Variants in SORCS2 observed in about 807,000 individuals in gnomAD.
The protein encoded by SORCS2 is VPS10 domain-containing receptor SorCS2.
Under a neutral mutation model 141.6 loss-of-function variants are expected in SORCS2, and 100 were observed. That is an observed-to-expected ratio of 0.71 (90% CI 0.60 to 0.83). The LOEUF (loss-of-function observed/expected upper bound fraction) is 0.83, where lower values mean the gene tolerates loss of function less well. Ranked by LOEUF, SORCS2 falls within the 40% of genes least tolerant of loss-of-function variation. The probability of loss-of-function intolerance (pLI) is 0.00; values close to 1 mark genes in which losing one functional copy is unlikely to be tolerated. For synonymous variants in SORCS2, 789 were observed against 676.9 expected (o/e 1.17, Z -2.57); for missense variants, 1,646 against 1,560.2 (o/e 1.05, Z -0.93).
At chr4:7,451,136 G>A (rs1349706902) in intron 2 of SORCS2, among the ~76,000 whole-genome samples, 1 of 152,350 alleles carries the variant, frequency 6.6e-6, no homozygotes, top group East Asian at 1.9e-4. Flanking sequence ...GAGTGAGTGA[G>A]GGAGTGAAAG....
chr4:7,468,720 C>T (rs1195605339), intron 2 of SORCS2, among the ~76,000 whole-genome samples: 1 of 152,236 alleles, frequency 6.6e-6, no homozygotes, highest in African/African-American at 2.4e-5. Flanking sequence ...TCCTAACCAT[C>T]TCTTCCATCT....
At chr4:7,318,000 C>G (rs751882274) in intron 1 of SORCS2, among the ~76,000 whole-genome samples, 1 of 152,206 alleles carries the variant, frequency 6.6e-6, no homozygotes, top group Admixed American at 6.5e-5. Context: ...ACCACGAGCA[C>G]GTGTTCATAC....
chr4:7,299,762 T>A (rs1008152795), intron 1 of SORCS2, among the ~76,000 whole-genome samples: 1 of 152,214 alleles, frequency 6.6e-6, no homozygotes, highest in Non-Finnish European at 1.5e-5. Flanking sequence ...GCCCGCTGCC[T>A]GCGGGGCGTT....
intron 3 of SORCS2, among the ~76,000 whole-genome samples, chr4:7,538,331 A>C (rs1712294026): frequency 6.6e-6 from 1 of 152,092 alleles, no homozygotes; most frequent in South Asian, 2.1e-4. Context: ...TACTATTGTC[A>C]TGGCTGGACC....
intron 3 of SORCS2, among the ~76,000 whole-genome samples, chr4:7,623,949 C>T (rs566919623): frequency 2.0e-5 from 3 of 152,312 alleles, no homozygotes; most frequent in East Asian, 1.9e-4. Context: ...TCTACCCCAC[C>T]AACCCCTAAG....
At chr4:7,665,248 C>G (rs1722433611) in intron 7 of SORCS2, among the ~76,000 whole-genome samples, 1 of 152,116 alleles carries the variant, frequency 6.6e-6, no homozygotes, top group Non-Finnish European at 1.5e-5. Flanking sequence ...CCCAGCAGCC[C>G]ACTCTACACT....
intron 2 of SORCS2, among the ~76,000 whole-genome samples, chr4:7,498,810 C>T (rs1731787522): frequency 6.6e-6 from 1 of 152,248 alleles, no homozygotes; most frequent in Non-Finnish European, 1.5e-5. Context: ...CCTGGCCCTC[C>T]CTCTGCGGGT....
At chr4:7,399,405 A>T (rs1724427144) in intron 2 of SORCS2, among the ~76,000 whole-genome samples, 1 of 152,210 alleles carries the variant, frequency 6.6e-6, no homozygotes, top group African/African-American at 2.4e-5. Context: ...ATACACTTTT[A>T]ATGACAAGTA....
intron 26 of SORCS2, among the ~76,000 whole-genome samples, chr4:7,738,355 C>A (rs529761362): frequency 6.6e-6 from 1 of 152,356 alleles, no homozygotes; most frequent in African/African-American, 2.4e-5. Context: ...AGGAGGCAGG[C>A]TCTTCCCTAG....
intron 3 of SORCS2, among the ~76,000 whole-genome samples, chr4:7,578,194 A>G (rs1715895131): frequency 6.6e-6 from 1 of 152,218 alleles, no homozygotes; most frequent in Non-Finnish European, 1.5e-5. Context: ...CTCTTTGCGA[A>G]CGATCATTTC....
intron 1 of SORCS2, among the ~76,000 whole-genome samples, chr4:7,258,231 G>A (rs1445711032): frequency 6.6e-6 from 1 of 152,182 alleles, no homozygotes; most frequent in Non-Finnish European, 1.5e-5. Flanking sequence ...CATATGCCAT[G>A]GTGGTTTGCT....
intron 2 of SORCS2, among the ~76,000 whole-genome samples, chr4:7,455,650 G>C (rs1324716401): frequency 6.8e-6 from 1 of 147,716 alleles, no homozygotes; most frequent in African/African-American, 2.5e-5. Context: ...GTTGGGGTCA[G>C]GCTTCGTGTT....
intron 3 of SORCS2, among the ~76,000 whole-genome samples, chr4:7,622,167 C>T (rs1044222552): frequency 2.0e-5 from 3 of 152,104 alleles, no homozygotes; most frequent in Admixed American, 6.5e-5. Flanking sequence ...CTCCCCTCAC[C>T]CAGCCCCTAC....
intron 2 of SORCS2, among the ~76,000 whole-genome samples, chr4:7,456,397 T>A (rs2109310793): frequency 6.6e-6 from 1 of 152,332 alleles, no homozygotes; most frequent in South Asian, 2.1e-4. Context: ...TTGGTCTCTG[T>A]TTCACATTCA....
chr4:7,439,394 T>C (rs1255342451), intron 2 of SORCS2, among the ~76,000 whole-genome samples: 1 of 152,088 alleles, frequency 6.6e-6, no homozygotes, highest in Non-Finnish European at 1.5e-5. Flanking sequence ...GAAACACCAA[T>C]CCATAGCACT....
chr4:7,445,549 C>G (rs1727933396), intron 2 of SORCS2, among the ~76,000 whole-genome samples: 1 of 152,146 alleles, frequency 6.6e-6, no homozygotes, highest in South Asian at 2.1e-4. Context: ...CGAGGGGAAG[C>G]ACCAGGGCTG....
chr4:7,484,431 C>T (rs1730847944), intron 2 of SORCS2, among the ~76,000 whole-genome samples: 1 of 152,156 alleles, frequency 6.6e-6, no homozygotes, highest in Non-Finnish European at 1.5e-5. Flanking sequence ...CCGGAGCGGC[C>T]TGCTGGGGAT....
intron 1 of SORCS2, among the ~76,000 whole-genome samples, chr4:7,243,142 C>T (rs908147040): frequency 3.9e-5 from 6 of 152,200 alleles, no homozygotes; most frequent in African/African-American, 9.7e-5. Context: ...TCCCCATCCA[C>T]GCACAAGCTC....
chr4:7,333,527 G>A (rs1376328609), intron 1 of SORCS2, among the ~76,000 whole-genome samples: 1 of 152,172 alleles, frequency 6.6e-6, no homozygotes, highest in East Asian at 1.9e-4. Flanking sequence ...TTCTGGCCCA[G>A]CCTCTGAGTT....
Sources: gnomAD v4.1 joint callset for allele counts (sites outside exome capture counted in the v4.1 genomes callset) on GRCh38, gnomAD v4.1.1 for gene constraint, MANE v1.5 for transcripts, NCBI Gene and HGNC (gene_info 2026-07-23, HGNC 2026-07-21) for gene names.